The following TMEM132B variants were observed in gnomAD, a reference collection of about 807,000 sequenced individuals.
TMEM132B encodes the protein transmembrane protein 132B.
In TMEM132B, 18 loss-of-function variants were observed where a neutral mutation model predicts 90.8. That is an observed-to-expected ratio of 0.20 (90% CI 0.14 to 0.29). The LOEUF is 0.29. Ranked by LOEUF, TMEM132B falls within the 10% of genes least tolerant of loss-of-function variation. The probability of loss-of-function intolerance (pLI) is 1.00; values close to 1 mark genes in which losing one functional copy is unlikely to be tolerated. For missense variants in TMEM132B, 1,096 were observed against 1,326.8 expected, an observed-to-expected ratio of 0.83 and a Z score of 2.70; for synonymous variants, 504 against 523.3, an observed-to-expected ratio of 0.96 and a Z score of 0.50.
intron 3 of TMEM132B, among the ~76,000 whole-genome samples, chr12:125,442,960 G>A (rs1880915463): frequency 6.6e-6 from 1 of 152,218 alleles, no homozygotes; most frequent in South Asian, 2.1e-4. Context: ...GAGAAAGTGG[G>A]CTAAACGATG....
At chr12:125,565,045 C>T (rs1884627726) in intron 4 of TMEM132B, among the ~76,000 whole-genome samples, 1 of 152,122 alleles carries the variant, frequency 6.6e-6, no homozygotes, top group Non-Finnish European at 1.5e-5. Context: ...AGGCATTGTT[C>T]CAAGTGTTTT....
intron 2 of TMEM132B, among the ~76,000 whole-genome samples, chr12:125,352,455 G>A (rs1877620474): frequency 6.6e-6 from 1 of 152,210 alleles, no homozygotes; most frequent in African/African-American, 2.4e-5. Flanking sequence ...AGGAGACAGT[G>A]GTGGCTTTGC....
At chr12:125,554,132 A>G (rs1036236827) in intron 4 of TMEM132B, among the ~76,000 whole-genome samples, 2 of 152,204 alleles carry the variant, frequency 1.3e-5, no homozygotes, top group African/African-American at 2.4e-5. Flanking sequence ...TATAAGATTT[A>G]TCAACAGTAG....
chr12:125,540,719 CT>C (rs1883931853), intron 4 of TMEM132B, among the ~76,000 whole-genome samples: 1 of 152,216 alleles, frequency 6.6e-6, no homozygotes, highest in South Asian at 2.1e-4. Context: ...GTGGTGTAAT[CT>C]CTCCTAGTTC....
chr12:125,406,613 T>C lies in TMEM132B; in HGVS notation c.960-8918T>C, dbSNP rs1263869233. Among the ~76,000 whole-genome samples, 7 of 152,020 alleles carry C rather than the reference T, an allele frequency of 4.6e-5. No individual in the cohort carries two copies. The highest frequency in any genetic ancestry group is 1.7e-4 in the African/African-American group (7 of 41,380). On this transcript the variant is annotated intron_variant, in intron 2 of 8. Transcript: ENST00000682704. This position sits in a 1 kb window ranked among gnomAD's most constrained non-coding sequence, Gnocchi z 8.3. ...GGAGGACTGGGTGGATGATATGGGG[T>C]ATAAAAATATTTCACAGTCTTGATG...
intron 5 of TMEM132B, among the ~76,000 whole-genome samples, chr12:125,638,671 C>T (rs12425558): frequency 0.097 from 14,780 of 152,002 alleles, 1,170 homozygotes; most frequent in Admixed American, 0.27. Context: ...GGAAGCCCAA[C>T]GTGCAGTCAG....
chr12:125,514,947 GC>G (rs1269331434), intron 3 of TMEM132B, among the ~76,000 whole-genome samples: 1 of 152,152 alleles, frequency 6.6e-6, no homozygotes, highest in Non-Finnish European at 1.5e-5. Context: ...AGGTGCCTCA[GC>G]CCCTCCTCAG....
intron 1 of TMEM132B, among the ~76,000 whole-genome samples, chr12:125,234,540 G>A (rs1463472676): frequency 2.0e-5 from 3 of 152,106 alleles, no homozygotes; most frequent in Non-Finnish European, 4.4e-5. Context: ...GAGTCAAGTG[G>A]GGCCCAACGA....
intron 5 of TMEM132B, among the ~76,000 whole-genome samples, chr12:125,616,711 A>G (rs895398899): frequency 1.8e-4 from 27 of 152,180 alleles, no homozygotes; most frequent in Non-Finnish European, 4.4e-5. Context: ...CTTTTCTGTT[A>G]TGAACTTAAT....
At position 125,246,723 on chromosome 12, in the gene TMEM132B, C is replaced by T. The variant is rs746507865; in HGVS notation, c.67+59857C>T. Among the ~76,000 whole-genome samples the T allele has an allele frequency of 1.6e-4, 24 of 152,158 alleles. No homozygotes were observed. The highest frequency in any genetic ancestry group is 5.1e-4 in the African/African-American group (21 of 41,430). ...TTGTGAAGTGCTTTGATTCTTAAAT[C>T]GGAGCCGGCTTTCAGGCACCTATCT... On this transcript the variant is annotated intron_variant, in intron 1 of 8. Transcript: ENST00000682704. This position sits in a 1 kb window ranked among gnomAD's most constrained non-coding sequence, Gnocchi z 4.2.
intron 4 of TMEM132B, among the ~76,000 whole-genome samples, chr12:125,578,740 T>C (rs1307683813): frequency 1.3e-5 from 2 of 152,320 alleles, no homozygotes; most frequent in East Asian, 3.9e-4. Flanking sequence ...ACAGTCTTTT[T>C]TCTTCCACCA....
intron 2 of TMEM132B, among the ~76,000 whole-genome samples, chr12:125,364,276 A>G (rs1878055778): frequency 6.6e-6 from 1 of 152,162 alleles, no homozygotes; most frequent in Admixed American, 6.5e-5. Context: ...TCTTTTACAT[A>G]TTGGAAATAT....
At chr12:125,538,753 G>A (rs1465386706) in intron 4 of TMEM132B, among the ~76,000 whole-genome samples, 1 of 152,146 alleles carries the variant, frequency 6.6e-6, no homozygotes, top group African/African-American at 2.4e-5. Context: ...GGTTCAGGAG[G>A]TTCTTCAAGT....
chr12:125,228,800 G>A (rs914980953), intron 1 of TMEM132B, among the ~76,000 whole-genome samples: 1 of 152,188 alleles, frequency 6.6e-6, no homozygotes, highest in African/African-American at 2.4e-5. Context: ...GGTCCAAACC[G>A]ATGTATCAAT....
At chr12:125,555,577 G>A (rs1157766961) in intron 4 of TMEM132B, among the ~76,000 whole-genome samples, 9 of 105,286 alleles carry the variant, frequency 8.5e-5, no homozygotes, top group African/African-American at 3.2e-4. Context: ...GGTGGGGGGT[G>A]GGGGGAGGGA....
At chr12:125,453,099 A>G (rs955417892) in intron 3 of TMEM132B, among the ~76,000 whole-genome samples, 1 of 151,904 alleles carries the variant, frequency 6.6e-6, no homozygotes, top group Non-Finnish European at 1.5e-5. Context: ...ACACACACAC[A>G]CACACACACA....
intron 1 of TMEM132B, among the ~76,000 whole-genome samples, chr12:125,348,491 A>C (rs566975409): frequency 7.7e-6 from 1 of 129,066 alleles, no homozygotes; most frequent in South Asian, 2.6e-4. Context: ...TGCCTGGATA[A>C]TTTTTGTGTT....
intron 1 of TMEM132B, among the ~76,000 whole-genome samples, chr12:125,269,805 A>G (rs1298379467): frequency 1.3e-5 from 2 of 152,128 alleles, no homozygotes; most frequent in African/African-American, 4.8e-5. Context: ...CAGAACTGGT[A>G]TGGCAGCTCC....
intron 1 of TMEM132B, among the ~76,000 whole-genome samples, chr12:125,290,163 G>C (rs1393785323): frequency 6.6e-6 from 1 of 152,156 alleles, no homozygotes; most frequent in Non-Finnish European, 1.5e-5. Context: ...CTGAGTTTGG[G>C]CCGTAATTCA....
Sources: allele counts gnomAD v4.1 joint callset (sites outside exome capture counted in the v4.1 genomes callset), GRCh38; gene constraint gnomAD v4.1.1; non-coding constraint Gnocchi (gnomAD v3.1); transcripts MANE v1.5; gene names NCBI Gene and HGNC (gene_info 2026-07-23, HGNC 2026-07-21).